RGL1: variants seen among roughly 807,000 people sequenced by gnomAD.
RGL1 encodes ral guanine nucleotide dissociation stimulator-like 1.
Under a neutral mutation model 95.2 loss-of-function variants are expected in RGL1, and 24 were observed. The ratio of observed to expected loss-of-function variants is 0.25; its 90% confidence interval spans 0.18 to 0.35. The LOEUF is 0.35. Ranked by LOEUF, RGL1 falls within the 10% of genes least tolerant of loss-of-function variation. The pLI is 1.00. For synonymous variants in RGL1, 329 were observed against 344.9 expected (o/e 0.95, Z 0.51); for missense variants, 715 against 936.3 (o/e 0.76, Z 3.08).
intron 9 of RGL1, among the ~76,000 whole-genome samples, chr1:183,896,527 C>T (rs1037831323): frequency 3.3e-5 from 5 of 152,150 alleles, no homozygotes; most frequent in African/African-American, 1.2e-4. Context: ...CATGTTGATG[C>T]TCTATCACTA....
Position 183,926,611 on chromosome 1 carries a change from C to A in RGL1, c.*319C>A. ...TCTATATAAAAATATATAAGAGGGA[C>A]TTTATGGGATAGTATGGACTATGGA... On this transcript the variant is annotated 3_prime_UTR_variant, in exon 18 of 18. Transcript: ENST00000360851. The A allele has an allele frequency of 5.9e-6, 1 of 168,174 alleles. No homozygotes were observed. The highest frequency in any genetic ancestry group is 6.2e-5 in the Admixed American group (1 of 16,192). The allele number at this position is 168,174 out of a possible 1,614,324, so 10.4% of individuals were successfully genotyped here. A position where few individuals can be genotyped will look rare whatever the true frequency, so the allele number is the denominator to read the frequency against.
intron 1 of RGL1, among the ~76,000 whole-genome samples, chr1:183,667,614 T>A (rs1274803768): frequency 6.6e-6 from 1 of 152,160 alleles, no homozygotes; most frequent in Non-Finnish European, 1.5e-5. Context: ...GTGTGAGCCA[T>A]TGCGCCCAGC....
intron 8 of RGL1, among the ~76,000 whole-genome samples, chr1:183,888,810 A>G (rs1449562649): frequency 1.3e-5 from 2 of 152,106 alleles, no homozygotes; most frequent in African/African-American, 2.4e-5. Context: ...GGCTTTGGGG[A>G]TGATTTGAAG....
At chr1:183,909,264 G>T (rs974029838) in intron 14 of RGL1, among the ~76,000 whole-genome samples, 3 of 152,182 alleles carry the variant, frequency 2.0e-5, no homozygotes, top group African/African-American at 4.8e-5. Flanking sequence ...CATTTTTGCT[G>T]TTCCCACATT....
chr1:183,674,105 C>T (rs1046883338), intron 1 of RGL1, among the ~76,000 whole-genome samples: 2 of 152,160 alleles, frequency 1.3e-5, no homozygotes, highest in South Asian at 2.1e-4. Context: ...ACAAAGGACT[C>T]GCTTTCCCTG....
At chr1:183,883,334 G>A (rs930585764) in intron 5 of RGL1, among the ~76,000 whole-genome samples, 1 of 152,158 alleles carries the variant, frequency 6.6e-6, no homozygotes, top group African/African-American at 2.4e-5. Context: ...ACACCAAAAT[G>A]GCTCATTTTA....
At chr1:183,825,563 T>C (rs1469793001) in intron 2 of RGL1, among the ~76,000 whole-genome samples, 2 of 152,194 alleles carry the variant, frequency 1.3e-5, no homozygotes, top group Non-Finnish European at 2.9e-5. Context: ...CAAAGCATAT[T>C]TTAAAACTGA....
intron 2 of RGL1, among the ~76,000 whole-genome samples, chr1:183,810,678 G>T (rs1371456275): frequency 1.3e-5 from 2 of 152,184 alleles, no homozygotes; most frequent in Non-Finnish European, 2.9e-5. Context: ...GTCACATCTG[G>T]ATTGAGAAGT....
chr1:183,695,007 A>G (rs1654171116), intron 1 of RGL1, among the ~76,000 whole-genome samples: 1 of 152,258 alleles, frequency 6.6e-6, no homozygotes, highest in Admixed American at 6.5e-5. Flanking sequence ...AAAGCAAAGG[A>G]GTCCACAGAA....
chr1:183,804,738 T>C (rs1246446484), upstream of RGL1, among the ~76,000 whole-genome samples: 2 of 152,240 alleles, frequency 1.3e-5, no homozygotes, highest in African/African-American at 4.8e-5. Flanking sequence ...AAAAACTTCC[T>C]GGCGTCTAGT....
intron 1 of RGL1, among the ~76,000 whole-genome samples, chr1:183,714,934 T>A (rs1655519371): frequency 6.6e-6 from 1 of 151,652 alleles, no homozygotes; most frequent in Non-Finnish European, 1.5e-5. Context: ...TGGGGTGGAG[T>A]GAGGAAGCTT....
chr1:183,688,870 A>G (rs939834391), intron 1 of RGL1, among the ~76,000 whole-genome samples: 2 of 152,184 alleles, frequency 1.3e-5, no homozygotes, highest in East Asian at 3.8e-4. Context: ...ATTAAACTTC[A>G]CAGTAAAAAT....
Position 183,746,817 on chromosome 1 carries a change from C to T in RGL1, c.132+4528C>T, listed in dbSNP as rs1657667519. Reference sequence around the variant, plus strand: ...CCCTTGCCCCCCATCCCCCAACAGGCCTAGGTGTGTGATGTTCCCCTCCCT... The same window carrying T: ...CCCTTGCCCCCCATCCCCCAACAGGTCTAGGTGTGTGATGTTCCCCTCCCT... On this transcript the variant is annotated intron_variant, in intron 2 of 18. Coordinates refer to the RGL1 transcript ENST00000304685. 3.9e-5 allele frequency among the ~76,000 whole-genome samples: 6 copies of T among 152,048 alleles called. No homozygotes were observed. In the South Asian group the frequency reaches 1.0e-3, roughly 26 times the overall value.
Position 183,640,954 on chromosome 1 carries a change from G to A in RGL1, c.-33+4453G>A, listed in dbSNP as rs578026529. Among the ~76,000 whole-genome samples, 16 of 152,004 alleles carry A rather than the reference G, an allele frequency of 1.1e-4. No homozygotes were observed. In the South Asian group the frequency reaches 3.1e-3, roughly 30 times the overall value. On this transcript the variant is annotated intron_variant, in intron 1 of 18. Transcript: ENST00000304685. ...AAAATTATCAAATGCCTTTTATGGGGATCTAATGATAAAAATCATATAGTT... is the reference window on the plus strand; with the variant it reads ...AAAATTATCAAATGCCTTTTATGGGAATCTAATGATAAAAATCATATAGTT...
rs184805598 is a variant in RGL1 at position 183,829,601 on chromosome 1, C to T, written c.139-17965C>T. Among the ~76,000 whole-genome samples the T allele has an allele frequency of 3.3e-5, 5 of 152,268 alleles. No individual in the cohort carries two copies. The East Asian group carries it at 7.7e-4, about 24-fold the overall frequency. On this transcript the variant is annotated intron_variant, in intron 2 of 17. Transcript: ENST00000360851. ...CATGATATACTCATATTTACACTTACATTTGATCCTGATAATACCCACCTG... is the reference window on the plus strand; with the variant it reads ...CATGATATACTCATATTTACACTTATATTTGATCCTGATAATACCCACCTG...
chr1:183,831,302 A>G (rs753469587), intron 2 of RGL1, among the ~76,000 whole-genome samples: 2 of 152,202 alleles, frequency 1.3e-5, no homozygotes, highest in African/African-American at 4.8e-5. Context: ...AGATCCTTCC[A>G]TGAGAATGAG....
chr1:183,803,887 T>C (rs531032199), upstream of RGL1, among the ~76,000 whole-genome samples: 9 of 152,352 alleles, frequency 5.9e-5, no homozygotes, highest in Non-Finnish European at 8.8e-5. Flanking sequence ...ATTTAGTCTA[T>C]GTGTTTTTCG....
At position 183,668,935 on chromosome 1, in the gene RGL1, C is replaced by CTTTTTTTTTTTTTTTTTTTTTT. The variant is rs551008973; in HGVS notation, c.-33+32438_-33+32439insTTTTTTTTTTTTTTTTTTTTTT. 4.3e-5 allele frequency among the ~76,000 whole-genome samples: 5 copies of CTTTTTTTTTTTTTTTTTTTTTT among 115,556 alleles called. 2 individuals are homozygous for CTTTTTTTTTTTTTTTTTTTTTT. 75.8% of individuals were successfully genotyped at this position (115,556 alleles called of 152,430 possible). On this transcript the variant is annotated intron_variant, in intron 1 of 18. Transcript: ENST00000304685. ...CTTTTTGCTTTTGGTATTGGACTTT[C>CTTTTTTTTTTTTTTTTTTTTTT]TTTTCTTTTTTTTTTTTTTTGAGAT...
chr1:183,925,176 G>C (rs967426576), intron 17 of RGL1, among the ~76,000 whole-genome samples: 6 of 152,242 alleles, frequency 3.9e-5, no homozygotes, highest in African/African-American at 1.4e-4. Context: ...TTCTGCACTT[G>C]GAGAAGAGAC....
Sources: gnomAD v4.1 joint callset for allele counts (sites outside exome capture counted in the v4.1 genomes callset) on GRCh38, gnomAD v4.1.1 for gene constraint, MANE v1.5 for transcripts, NCBI Gene and HGNC (gene_info 2026-07-23, HGNC 2026-07-21) for gene names.